Variants in PDSS2 observed in about 807,000 individuals in gnomAD.
PDSS2 encodes the protein all trans-polyprenyl-diphosphate synthase PDSS2.
Under a neutral mutation model 44.5 loss-of-function variants are expected in PDSS2, and 31 were observed. The ratio of observed to expected loss-of-function variants is 0.70; its 90% CI spans 0.52 to 0.94. The LOEUF (loss-of-function observed/expected upper bound fraction) is 0.94. Among genes scored for constraint, PDSS2 ranks in the 40% least tolerant of loss-of-function variants. The pLI is 0.00. For synonymous variants in PDSS2, 157 were observed against 180.3 expected, an observed-to-expected ratio of 0.87 and a Z score of 1.03; for missense variants, 452 against 482.2, an observed-to-expected ratio of 0.94 and a Z score of 0.59.
chr6:107,333,316 T>A (rs781593956), intron 2 of PDSS2, among the ~76,000 whole-genome samples: 1 of 152,330 alleles, frequency 6.6e-6, no homozygotes, highest in Admixed American at 6.5e-5. Context: ...ATTGCTGACA[T>A]ACTGTTACTA....
chr6:107,364,268 A>C (rs1778886616), intron 1 of PDSS2, among the ~76,000 whole-genome samples: 1 of 152,194 alleles, frequency 6.6e-6, no homozygotes, highest in Admixed American at 6.5e-5. Context: ...TGGGTGGTCG[A>C]TGGGACTGGG....
intron 7 of PDSS2, 99 bp from the exon 8 acceptor site, chr6:107,154,876 G>A: frequency 1.9e-6 from 2 of 1,025,720 alleles, no homozygotes; most frequent in Non-Finnish European, 3.0e-6. Flanking sequence ...AAGAAAGGGA[G>A]AAATAGTATA....
At chr6:107,172,034 C>A (rs1771597644) in intron 7 of PDSS2, among the ~76,000 whole-genome samples, 1 of 152,170 alleles carries the variant, frequency 6.6e-6, no homozygotes, top group Admixed American at 6.5e-5. Flanking sequence ...ATAATTAAAT[C>A]TCTAATTAAG....
chr6:107,197,241 A>T (rs1200274627), intron 6 of PDSS2, among the ~76,000 whole-genome samples: 1 of 129,916 alleles, frequency 7.7e-6, no homozygotes, highest in Non-Finnish European at 1.6e-5. Flanking sequence ...TGTGACTGGC[A>T]TCTGAAGGTG....
chr6:107,155,208 C>A (rs1312526271), intron 7 of PDSS2, among the ~76,000 whole-genome samples: 1 of 148,376 alleles, frequency 6.7e-6, no homozygotes, highest in African/African-American at 2.5e-5. Context: ...TGCAGTGGTG[C>A]GATCTCGGCT....
chr6:107,286,965 G>A (rs932893073), intron 2 of PDSS2, among the ~76,000 whole-genome samples: 3 of 152,082 alleles, frequency 2.0e-5, no homozygotes, highest in South Asian at 2.1e-4. Flanking sequence ...GCTTGAACCC[G>A]GGAGGTGGAG....
chr6:107,173,209 A>G (rs1193832330), intron 7 of PDSS2, among the ~76,000 whole-genome samples: 5 of 151,984 alleles, frequency 3.3e-5, no homozygotes, highest in Non-Finnish European at 7.4e-5. Flanking sequence ...TACAGGTCAC[A>G]GTATGGTAAG....
intron 2 of PDSS2, among the ~76,000 whole-genome samples, chr6:107,295,925 C>T (rs1340627787): frequency 2.0e-5 from 3 of 152,184 alleles, no homozygotes; most frequent in Non-Finnish European, 4.4e-5. Context: ...CCACCACCAT[C>T]ATCCTGTGGG....
chr6:107,403,071 C>G (rs1780198637), intron 1 of PDSS2, among the ~76,000 whole-genome samples: 1 of 152,178 alleles, frequency 6.6e-6, no homozygotes, highest in African/African-American at 2.4e-5. Flanking sequence ...AGGCAAGTCC[C>G]TTCCGCCTAG....
chr6:107,370,716 A>G (rs1055754044), intron 1 of PDSS2, among the ~76,000 whole-genome samples: 3 of 152,238 alleles, frequency 2.0e-5, no homozygotes, highest in Non-Finnish European at 2.9e-5. Context: ...AGACCTACAC[A>G]TAACAACTCA....
intron 1 of PDSS2, among the ~76,000 whole-genome samples, chr6:107,395,551 A>G (rs1779913638): frequency 6.6e-6 from 1 of 152,134 alleles, no homozygotes; most frequent in South Asian, 2.1e-4. Flanking sequence ...TCTGTAATTT[A>G]TATAAGTGAA....
At chr6:107,235,276 C>G (rs1774187443) in intron 4 of PDSS2, among the ~76,000 whole-genome samples, 1 of 152,168 alleles carries the variant, frequency 6.6e-6, no homozygotes, top group Admixed American at 6.5e-5. Flanking sequence ...AAGTCTTCGG[C>G]TGAGTATTGC....
At chr6:107,241,878 A>G (rs574228960) in intron 4 of PDSS2, among the ~76,000 whole-genome samples, 21 of 152,292 alleles carry the variant, frequency 1.4e-4, no homozygotes, top group African/African-American at 4.8e-4. Flanking sequence ...TTAAATCACA[A>G]AAAAATTCTT....
chr6:107,215,954 T>C (rs1773397714), intron 4 of PDSS2, among the ~76,000 whole-genome samples: 2 of 151,726 alleles, frequency 1.3e-5, no homozygotes, highest in African/African-American at 4.8e-5. Flanking sequence ...CTGAGCAACA[T>C]GGTGAAATCC....
chr6:107,232,261 T>C (rs1774078165), intron 4 of PDSS2, among the ~76,000 whole-genome samples: 2 of 152,156 alleles, frequency 1.3e-5, no homozygotes, highest in South Asian at 4.1e-4. Context: ...TGTCTGCCCC[T>C]CTGAAATTGA....
At chr6:107,199,635 C>A (rs1200714491) in intron 6 of PDSS2, among the ~76,000 whole-genome samples, 5 of 152,218 alleles carry the variant, frequency 3.3e-5, no homozygotes, top group Non-Finnish European at 7.3e-5. Flanking sequence ...CGTCTACAAT[C>A]TCCCAAGCTC....
intron 1 of PDSS2, among the ~76,000 whole-genome samples, chr6:107,383,664 G>A (rs765218973): frequency 6.6e-6 from 1 of 151,974 alleles, no homozygotes; most frequent in African/African-American, 2.4e-5. Context: ...ATATACAAAT[G>A]GGCAACAAGG....
intron 7 of PDSS2, among the ~76,000 whole-genome samples, chr6:107,168,693 A>G (rs1442172124): frequency 1.3e-5 from 2 of 150,712 alleles, no homozygotes; most frequent in African/African-American, 4.9e-5. Context: ...ATCTCTCAGC[A>G]TTTGCTTGTC....
intron 1 of PDSS2, among the ~76,000 whole-genome samples, chr6:107,450,155 C>G (rs1781820553): frequency 6.6e-6 from 1 of 151,980 alleles, no homozygotes; most frequent in Admixed American, 6.5e-5. Context: ...TGAGATTCAC[C>G]CAAGTTGTTG....
Sources: allele counts gnomAD v4.1 joint callset (sites outside exome capture counted in the v4.1 genomes callset), GRCh38; gene constraint gnomAD v4.1.1; transcripts MANE v1.5; gene names NCBI Gene and HGNC (gene_info 2026-07-23, HGNC 2026-07-21).